The following LOC128706666 variants were observed in gnomAD, a reference collection of about 807,000 sequenced individuals.
the LOC128706666 span, among the ~76,000 whole-genome samples, chr20:10,422,943 C>A: frequency 3.9e-5 from 6 of 152,054 alleles, no homozygotes; most frequent in Non-Finnish European, 8.8e-5. Flanking sequence ...GATCTCCTGA[C>A]CTTGCGATCC....
At chr20:10,429,979 T>C in the LOC128706666 span, among the ~76,000 whole-genome samples, 2 of 152,200 alleles carry the variant, frequency 1.3e-5, no homozygotes, top group African/African-American at 4.8e-5. Context: ...ACTGTTCTAG[T>C]CTACATCCAC....
At chr20:10,426,777 A>G in the LOC128706666 span, among the ~76,000 whole-genome samples, 1 of 152,252 alleles carries the variant, frequency 6.6e-6, no homozygotes, top group Admixed American at 6.5e-5. Flanking sequence ...ATTAGAGGGC[A>G]TCTTACAGTT....
At chr20:10,424,354 G>C in the LOC128706666 span, among the ~76,000 whole-genome samples, 1 of 152,022 alleles carries the variant, frequency 6.6e-6, no homozygotes, top group Non-Finnish European at 1.5e-5. Context: ...CCATGAGTTC[G>C]AGACTGCCTG....
chr20:10,427,167 T>C, the LOC128706666 span, among the ~76,000 whole-genome samples: 5 of 151,912 alleles, frequency 3.3e-5, no homozygotes, highest in Non-Finnish European at 4.4e-5. Flanking sequence ...CTATCTAGCA[T>C]AGTATTAGTT....
At chr20:10,434,029 G>A in the LOC128706666 span, 1 of 152,366 alleles carries the variant, frequency 6.6e-6, no homozygotes, top group Non-Finnish European at 1.5e-5. Flanking sequence ...GGTGGAGAGG[G>A]AGGCGCCTAC....
At chr20:10,420,952 A>C in the LOC128706666 span, among the ~76,000 whole-genome samples, 2 of 152,236 alleles carry the variant, frequency 1.3e-5, no homozygotes, top group Non-Finnish European at 2.9e-5. Flanking sequence ...GCAGGCAGTC[A>C]GCCTTGGGAA....
At chr20:10,433,516 C>T in the LOC128706666 span, among the ~76,000 whole-genome samples, 2 of 152,124 alleles carry the variant, frequency 1.3e-5, no homozygotes, top group African/African-American at 4.8e-5. Flanking sequence ...TGAATGAAAC[C>T]GTCATATTGA....
At chr20:10,417,524 T>C in the LOC128706666 span, among the ~76,000 whole-genome samples, 12 of 152,202 alleles carry the variant, frequency 7.9e-5, no homozygotes, top group Admixed American at 7.9e-4. Context: ...GGCTGGAGGA[T>C]GGCCTGTGCC....
chr20:10,433,673 C>G, the LOC128706666 span, among the ~76,000 whole-genome samples: 1 of 152,168 alleles, frequency 6.6e-6, no homozygotes, highest in Non-Finnish European at 1.5e-5. Flanking sequence ...TGCACAACGT[C>G]TCTAACGCCG....
At chr20:10,432,623 T>C in the LOC128706666 span, among the ~76,000 whole-genome samples, 1 of 151,988 alleles carries the variant, frequency 6.6e-6, no homozygotes, top group Non-Finnish European at 1.5e-5. Flanking sequence ...CGAAACACCA[T>C]CTCTACTAAA....
At chr20:10,420,071 T>C in the LOC128706666 span, among the ~76,000 whole-genome samples, 1 of 152,314 alleles carries the variant, frequency 6.6e-6, no homozygotes, top group Non-Finnish European at 1.5e-5. Flanking sequence ...ACCTAAATTA[T>C]ATAACTTCAT....
At chr20:10,425,138 T>C in the LOC128706666 span, among the ~76,000 whole-genome samples, 1 of 152,124 alleles carries the variant, frequency 6.6e-6, no homozygotes, top group African/African-American at 2.4e-5. Flanking sequence ...TTTTTAAAGT[T>C]AGCAAATATA....
At chr20:10,424,945 C>T in the LOC128706666 span, among the ~76,000 whole-genome samples, 2 of 151,430 alleles carry the variant, frequency 1.3e-5, no homozygotes, top group African/African-American at 4.9e-5. Context: ...CCCAGCTACT[C>T]GGGAGGCTGA....
the LOC128706666 span, among the ~76,000 whole-genome samples, chr20:10,423,311 T>TG: frequency 2.0e-5 from 3 of 151,814 alleles, no homozygotes; most frequent in Non-Finnish European, 2.9e-5. Context: ...TCTAGCTGCG[T>TG]GGGGGGTGCT....
the LOC128706666 span, among the ~76,000 whole-genome samples, chr20:10,428,800 C>T: frequency 8.6e-5 from 13 of 152,020 alleles, no homozygotes; most frequent in East Asian, 1.9e-4. Flanking sequence ...GTCGAGATCG[C>T]GCCATTGCAC....
the LOC128706666 span, among the ~76,000 whole-genome samples, chr20:10,426,152 G>C: frequency 1.3e-5 from 2 of 152,158 alleles, no homozygotes; most frequent in Non-Finnish European, 2.9e-5. Context: ...TATAAATGAA[G>C]AAACATTAAA....
At chr20:10,432,342 A>C in the LOC128706666 span, among the ~76,000 whole-genome samples, 1 of 152,170 alleles carries the variant, frequency 6.6e-6, no homozygotes, top group Admixed American at 6.5e-5. Flanking sequence ...CCTGCCTCTA[A>C]ATCTCCTCAG....
At chr20:10,418,001 T>A in the LOC128706666 span, among the ~76,000 whole-genome samples, 7 of 152,202 alleles carry the variant, frequency 4.6e-5, no homozygotes, top group Non-Finnish European at 1.0e-4. Flanking sequence ...GGATCCTGAT[T>A]CCAACAAACC....
chr20:10,414,456 G>A, the LOC128706666 span, among the ~76,000 whole-genome samples: 4 of 151,912 alleles, frequency 2.6e-5, no homozygotes, highest in Non-Finnish European at 4.4e-5. Context: ...GTAGAGATGG[G>A]GTTTCTCCAT....
Sources: gnomAD v4.1 joint callset for allele counts (sites outside exome capture counted in the v4.1 genomes callset) on GRCh38, gnomAD v4.1.1 for gene constraint, MANE v1.5 for transcripts.